The following KAT8 variants were observed in gnomAD, a reference collection of about 807,000 sequenced individuals.
The protein encoded by KAT8 is histone acetyltransferase KAT8.
In KAT8, 40 loss-of-function variants were observed where a neutral mutation model predicts 62.9. That is an observed-to-expected ratio of 0.64 (90% CI 0.49 to 0.83). KAT8 has a LOEUF of 0.83. Ranked by LOEUF, KAT8 falls within the 40% of genes least tolerant of loss-of-function variation. KAT8 has a pLI of 0.00. For missense variants in KAT8, 387 were observed against 614.8 expected, an observed-to-expected ratio of 0.63 and a Z score of 3.92; for synonymous variants, 278 against 254.5, an observed-to-expected ratio of 1.09 and a Z score of -0.88.
chr16:31,125,123 C>T (rs1028850038), intron 3 of KAT8, among the ~76,000 whole-genome samples: 7 of 150,628 alleles, frequency 4.6e-5, no homozygotes, highest in Admixed American at 1.3e-4. Context: ...GCCCAGAAGG[C>T]AGAGGTTGTG....
At chr16:31,120,588 C>T (rs2057485909) in intron 3 of KAT8, 74 bp downstream of exon 3, 1 of 1,418,390 alleles carries the variant, frequency 7.1e-7, no homozygotes, top group Admixed American at 2.1e-5. Context: ...TCTCGGGCCC[C>T]AGTGCCAAAA....
At position 31,130,376 on chromosome 16, in the gene KAT8, C is replaced by G. The variant is rs1315578485; in HGVS notation, c.1006+16C>G. ...ATCGCTTTCAGTGAGTGGTTCCTGG[C>G]CTGTCTGGGAGGGGGAGACCTGTGG... is the stretch of plus-strand genomic sequence containing the variant. On this transcript the variant is annotated intron_variant, in intron 8 of 10. Transcript: ENST00000219797. 6.2e-7 allele frequency: 1 copy of G among 1,614,158 alleles called. No homozygotes were observed. Among genetic ancestry groups the G allele is most frequent in the Non-Finnish European group, 8.5e-7 (1 of 1,179,996 alleles).
At chr16:31,123,260 A>G (rs1460419410) in intron 3 of KAT8, among the ~76,000 whole-genome samples, 1 of 152,168 alleles carries the variant, frequency 6.6e-6, no homozygotes, top group African/African-American at 2.4e-5. Flanking sequence ...TCTGTTAACC[A>G]GGCTGGAGTG....
chr16:31,118,032 A>G, intron 1 of KAT8, 140 bp downstream of exon 1: 1 of 650,594 alleles, frequency 1.5e-6, no homozygotes, highest in South Asian at 5.1e-5. Flanking sequence ...TGAGGAAAGA[A>G]CGCCGCGTTC....
At chr16:31,129,309 G>A (rs965929314) in intron 6 of KAT8, among the ~76,000 whole-genome samples, 1 of 152,216 alleles carries the variant, frequency 6.6e-6, no homozygotes, top group Non-Finnish European at 1.5e-5. Flanking sequence ...GAGCATGGCT[G>A]TGTGGAATAG....
rs2143986590 is a variant in KAT8 at position 31,127,449 on chromosome 16, G to A, written c.681+96G>A. The stretch of plus-strand genomic sequence containing the variant: ...GGGCGGCTGCGCCGGCAGCTCCAGG[G>A]AGGAGACAGGCCCAAAGGAGCGAGT... On this transcript the variant is annotated intron_variant, in intron 5 of 10. Transcript: ENST00000219797. The A allele has an allele frequency of 3.1e-6, 4 of 1,299,498 alleles. No homozygotes were observed. The South Asian group carries it at 3.8e-5, about 12-fold the overall frequency. The allele number at this position is 1,299,498 out of a possible 1,614,324, so 80.5% of individuals were successfully genotyped here.
At chr16:31,122,306 A>C (rs1378630417) in intron 3 of KAT8, 3 of 152,200 alleles carry the variant, frequency 2.0e-5, no homozygotes, top group Admixed American at 1.3e-4. Context: ...ACACCCAATA[A>C]AAGTGTGCAG....
At chr16:31,121,957 C>A (rs1009289927) in intron 3 of KAT8, among the ~76,000 whole-genome samples, 1 of 151,928 alleles carries the variant, frequency 6.6e-6, no homozygotes, top group Non-Finnish European at 1.5e-5. Flanking sequence ...TGCTATGTTG[C>A]CCACACTAGT....
In KAT8 at chr16:31,117,732, C is replaced by T; in HGVS notation, c.51C>T (p.Val17=). 1 of 1,374,134 alleles carries T rather than the reference C, an allele frequency of 7.3e-7. No homozygotes were observed. Among genetic ancestry groups the T allele is most frequent in the Non-Finnish European group, 9.5e-7 (1 of 1,056,964 alleles). The allele number at this position is 1,374,134 out of a possible 1,614,324, so 85.1% of individuals were successfully genotyped here. A position where few individuals can be genotyped will look rare whatever the true frequency, so the allele number is the denominator to read the frequency against. ...CGGTTGCGGCGGGGACTTCAGGGGT[C>T]GCGGGGGAGGGCGAGCCCGGGCCCG... ...AAAVAAGTSG[V]AGEGEPGPGE... Residue 17 remains valine (V), a synonymous_variant, in exon 1 of 11, where the codon GTC becomes GTT. Coordinates refer to ENST00000219797, the MANE Select transcript of KAT8 (RefSeq NM_032188.3).
intron 1 of KAT8, among the ~76,000 whole-genome samples, chr16:31,119,090 A>G (rs1416511037): frequency 6.6e-6 from 1 of 152,026 alleles, no homozygotes; most frequent in Non-Finnish European, 1.5e-5. Context: ...GCTCAGAAAG[A>G]TGGAATAACT....
At chr16:31,120,637 C>T in intron 3 of KAT8, 123 bp downstream of exon 3, 1 of 897,608 alleles carries the variant, frequency 1.1e-6, no homozygotes. Flanking sequence ...TGTAGTGTGT[C>T]AGGGACTTTA....
At chr16:31,127,814 C>A (rs1386857907) in intron 5 of KAT8, among the ~76,000 whole-genome samples, 1 of 152,162 alleles carries the variant, frequency 6.6e-6, no homozygotes. Context: ...GAGCCAGGCC[C>A]ACAGAGACTC....
intron 3 of KAT8, among the ~76,000 whole-genome samples, chr16:31,125,369 C>T (rs903947336): frequency 3.3e-5 from 5 of 151,924 alleles, no homozygotes; most frequent in Admixed American, 1.3e-4. Context: ...TTTGGGAGTG[C>T]GAGGCTGGTT....
At chr16:31,122,463 T>A (rs1210104805) in intron 3 of KAT8, 1 of 152,142 alleles carries the variant, frequency 6.6e-6, no homozygotes, top group Non-Finnish European at 1.5e-5. Context: ...CTCCTCAAGG[T>A]CTAAACTGCC....
At chr16:31,130,929 G>A in intron 10 of KAT8, 29 bp downstream of exon 10, 2 of 1,598,994 alleles carry the variant, frequency 1.3e-6, no homozygotes. Flanking sequence ...TGTGTCGGGG[G>A]CGGTGGGGGA....
chr16:31,117,698 C>G lies in KAT8; in HGVS notation c.17C>G (p.Ala6Gly), dbSNP rs747791051. The G allele has an allele frequency of 2.9e-6, 4 of 1,402,258 alleles. No homozygotes were observed. Among genetic ancestry groups the G allele is most frequent in the Non-Finnish European group, 3.7e-6 (4 of 1,073,822 alleles). 86.9% of individuals were successfully genotyped at this position (1,402,258 alleles called of 1,614,324 possible). A position where few individuals can be genotyped will look rare whatever the true frequency, so the allele number is the denominator to read the frequency against. The part of the protein sequence containing the change: MAAQG[A>G]AAAVAAGTSG... ...CTTCCCGCGATGGCGGCACAGGGAG[C>G]TGCTGCGGCGGTTGCGGCGGGGACT... Residue 6 changes from alanine (A) to glycine (G), a missense_variant, in exon 1 of 11, where the codon GCT (alanine) becomes GGT (glycine). By Grantham distance (60) the Ala-to-Gly change is moderately conservative (BLOSUM62 0). This residue lies in a region of KAT8 where 92 missense variants were observed against 78.8 expected (regional missense o/e 1.17). Transcript: ENST00000219797.
chr16:31,129,875 C>A, intron 6 of KAT8, 142 bp from the exon 7 acceptor site: 1 of 909,604 alleles, frequency 1.1e-6, no homozygotes, highest in Non-Finnish European at 1.7e-6. Context: ...TCGTCAGAGG[C>A]TGACCGAAGA....
At position 31,127,291 on chromosome 16, in the gene KAT8, C is replaced by T; in HGVS notation, c.619C>T (p.Leu207Phe). 4 of 1,614,256 alleles carry T rather than the reference C, an allele frequency of 2.5e-6. No individual in the cohort carries two copies. Among genetic ancestry groups the T allele is most frequent in the Non-Finnish European group, 3.4e-6 (4 of 1,180,034 alleles). ...CGAAGACTATGGGAAACAGCCCAAG[C>T]TCTGGCTCTGCGAGTACTGCCTCAA... ...FPEDYGKQPKLWLCEYCLKYM... is the reference protein window; with the variant it reads ...FPEDYGKQPKFWLCEYCLKYM... The change falls in exon 5 of 11, where the codon CTC (leucine) becomes TTC (phenylalanine). Residue 207 changes from leucine to phenylalanine, a missense_variant. Physicochemically the swap from Leu to Phe is conservative, Grantham distance 22 (BLOSUM62 0). Around this residue, in one of 6 missense-constraint regions of KAT8, gnomAD observed 141 missense variants for 222.5 expected, o/e 0.63. Transcript: ENST00000219797.
intron 3 of KAT8, chr16:31,124,139 A>G (rs2143976772): frequency 6.6e-6 from 1 of 152,362 alleles, no homozygotes; most frequent in East Asian, 1.9e-4. Context: ...ATGTGTTTTA[A>G]AGAGATGTGT....
Sources: gnomAD v4.1 joint callset for allele counts (sites outside exome capture counted in the v4.1 genomes callset) on GRCh38, gnomAD v4.1.1 for gene constraint, gnomAD v4.1.1 regional missense constraint, MANE v1.5 for transcripts, NCBI Gene and HGNC (gene_info 2026-07-23, HGNC 2026-07-21) for gene names.